The following SETD7 variants were observed in gnomAD, a reference collection of about 807,000 sequenced individuals.
SETD7 encodes SET domain containing 7, histone lysine methyltransferase.
SETD7 carries 16 observed loss-of-function variants against 41.8 expected under a neutral mutation model. The ratio of observed to expected loss-of-function variants is 0.38; its 90% CI spans 0.26 to 0.58. The LOEUF (loss-of-function observed/expected upper bound fraction) is 0.58. SETD7 is among the 20% of genes least tolerant of loss of function. The pLI is 0.64. For missense variants in SETD7, 346 were observed against 459.7 expected (o/e 0.75, Z 2.26); for synonymous variants, 163 against 169.7 (o/e 0.96, Z 0.31).
In SETD7 at chr4:139,520,313, C is replaced by T; in HGVS notation, c.726G>A (p.Met242Ile). 4 of 1,606,736 alleles carry T rather than the reference C, an allele frequency of 2.5e-6. No individual in the cohort carries two copies. In the African/African-American group the frequency reaches 5.4e-5, roughly 21 times the overall value. The change falls in exon 6 of 8, where the codon ATG becomes ATA. Residue 242 changes from methionine to isoleucine, a missense_variant. Around this residue, in one of 3 missense-constraint regions of SETD7, gnomAD observed 266 missense variants for 377.0 expected, o/e 0.71. Coordinates refer to ENST00000274031, the MANE Select transcript of SETD7 (RefSeq NM_030648.4). ...SKVAVGPNTV[M>I]SFYNGVRITH... ...TAATTCGAACTCCATTATAAAAAGA[C>T]ATAACAGTATTAGGTCCCACAGCTA... is the stretch of plus-strand genomic sequence containing the variant.
In SETD7 at chr4:139,532,971, C is replaced by T. The variant is rs746858641; in HGVS notation, c.372+194G>A. On this transcript the variant is annotated intron_variant, in intron 3 of 7. Transcript: ENST00000274031. ...AACAACGCTGAAAAATAATTAATAA[C>T]GGATTCAAGGGCCAACAATCTAAGC... 19 of 591,960 alleles carry T rather than the reference C, an allele frequency of 3.2e-5. No homozygotes were observed. In the East Asian group the frequency reaches 3.6e-4, roughly 11 times the overall value. The allele number at this position is 591,960 out of a possible 1,614,324, so 36.7% of individuals were successfully genotyped here. A position where few individuals can be genotyped will look rare whatever the true frequency, so the allele number is the denominator to read the frequency against.
chr4:139,521,399 C>G (rs1389056630), intron 5 of SETD7, among the ~76,000 whole-genome samples: 1 of 149,650 alleles, frequency 6.7e-6, no homozygotes, highest in Non-Finnish European at 1.5e-5. Context: ...GCACTCCAGT[C>G]TGGACGACAA....
intron 1 of SETD7, among the ~76,000 whole-genome samples, chr4:139,551,222 C>T (rs943180430): frequency 3.9e-5 from 6 of 152,240 alleles, no homozygotes; most frequent in African/African-American, 1.2e-4. Flanking sequence ...TTGTAAAATG[C>T]GCCAAGTCAG....
Position 139,509,771 on chromosome 4 carries a change from GA to G in SETD7, c.*1891del, listed in dbSNP as rs1726819125. ...CGGTCTCTTTCTACAGAGTAAGAGT[GA>G]CCCTATCCTGGTGCCTTTAAATCTA... On this transcript the variant is annotated 3_prime_UTR_variant, in exon 8 of 8. Transcript: ENST00000274031. The G allele has an allele frequency of 1.0e-6, 1 of 985,362 alleles. No homozygotes were observed. Among genetic ancestry groups the G allele is most frequent in the Admixed American group, 6.1e-5 (1 of 16,262 alleles). 61.0% of individuals were successfully genotyped at this position (985,362 alleles called of 1,614,324 possible).
In SETD7 at chr4:139,506,893, C is replaced by T. The variant is rs1326410764; in HGVS notation, c.*4770G>A. On this transcript the variant is annotated 3_prime_UTR_variant, in exon 8 of 8. Coordinates refer to ENST00000274031, the MANE Select transcript of SETD7 (RefSeq NM_030648.4). ...AAGGATTTTTGTTATCGGAGGACGT[C>T]TCTCTCTCTGGTTGGAAGTTTGGTG... 6.6e-6 allele frequency: 1 copy of T among 152,618 alleles called. No homozygotes were observed. The allele number at this position is 152,618 out of a possible 1,614,324, so 9.5% of individuals were successfully genotyped here.
chr4:139,500,271 A>G (rs567551391), intron 7 of SETD7, among the ~76,000 whole-genome samples: 4 of 151,946 alleles, frequency 2.6e-5, no homozygotes, highest in Admixed American at 2.0e-4. Context: ...TCTCCTCACC[A>G]TGGCCCCTCT....
At chr4:139,521,088 C>T (rs1409536359) in intron 5 of SETD7, among the ~76,000 whole-genome samples, 1 of 152,126 alleles carries the variant, frequency 6.6e-6, no homozygotes, top group East Asian at 1.9e-4. Context: ...AAAATATTTA[C>T]TATGTGGCCC....
intron 7 of SETD7, 148 bp from the exon 8 acceptor site, chr4:139,511,991 G>A: frequency 1.4e-6 from 2 of 1,403,010 alleles, no homozygotes; most frequent in South Asian, 1.6e-5. Flanking sequence ...CCCAGCATCA[G>A]TTTCACCCGA....
intron 1 of SETD7, among the ~76,000 whole-genome samples, chr4:139,547,864 G>C (rs983427930): frequency 1.3e-5 from 2 of 152,226 alleles, no homozygotes; most frequent in African/African-American, 2.4e-5. Flanking sequence ...GGTCATTTAA[G>C]CAATGATTGT....
intron 7 of SETD7, among the ~76,000 whole-genome samples, chr4:139,516,671 T>TA (rs1192394316): frequency 6.6e-6 from 1 of 151,956 alleles, no homozygotes; most frequent in African/African-American, 2.4e-5. Flanking sequence ...ATTTGATTTT[T>TA]TAAAAAAAAA....
intron 4 of SETD7, among the ~76,000 whole-genome samples, chr4:139,528,481 G>C (rs1216301899): frequency 6.6e-6 from 1 of 152,138 alleles, no homozygotes; most frequent in African/African-American, 2.4e-5. Flanking sequence ...CTCCCTATAT[G>C]AGAATTATAT....
At chr4:139,526,206 A>G (rs1727326177) in intron 4 of SETD7, among the ~76,000 whole-genome samples, 1 of 151,902 alleles carries the variant, frequency 6.6e-6, no homozygotes, top group Non-Finnish European at 1.5e-5. Context: ...ACACTCTACC[A>G]CACCCAGCTA....
chr4:139,553,807 T>C (rs1457698513), intron 1 of SETD7, among the ~76,000 whole-genome samples: 1 of 152,226 alleles, frequency 6.6e-6, no homozygotes, highest in Non-Finnish European at 1.5e-5. Flanking sequence ...GGTAGATTAG[T>C]TGGTACTTAA....
chr4:139,497,952 A>G (rs1355232973), intron 7 of SETD7, among the ~76,000 whole-genome samples: 2 of 152,252 alleles, frequency 1.3e-5, no homozygotes, highest in Non-Finnish European at 2.9e-5. Flanking sequence ...CCTCACCACA[A>G]GAGGGAGCTG....
At chr4:139,526,521 T>C (rs1254353301) in intron 4 of SETD7, among the ~76,000 whole-genome samples, 1 of 151,312 alleles carries the variant, frequency 6.6e-6, no homozygotes, top group Non-Finnish European at 1.5e-5. Context: ...TGGGCTCAAG[T>C]GATCCACCTG....
At chr4:139,523,254 C>T (rs1320981440) in intron 5 of SETD7, 100 bp downstream of exon 5, 2 of 800,262 alleles carry the variant, frequency 2.5e-6, no homozygotes, top group African/African-American at 3.4e-5. Context: ...GAGCTGGAAC[C>T]CAGCCTGGGC....
intron 4 of SETD7, among the ~76,000 whole-genome samples, chr4:139,527,488 C>A (rs1437415903): frequency 6.6e-6 from 1 of 152,048 alleles, no homozygotes; most frequent in Admixed American, 6.6e-5. Flanking sequence ...AGCTCAGGAG[C>A]TCAAGGCTGC....
chr4:139,552,458 T>C (rs1299264119), intron 1 of SETD7, among the ~76,000 whole-genome samples: 1 of 152,192 alleles, frequency 6.6e-6, no homozygotes, highest in African/African-American at 2.4e-5. Flanking sequence ...AGGTACCTCA[T>C]CTGCTGTGTC....
intron 7 of SETD7, among the ~76,000 whole-genome samples, chr4:139,514,709 G>A (rs990427344): frequency 2.0e-5 from 3 of 152,234 alleles, no homozygotes; most frequent in Admixed American, 6.5e-5. Context: ...GTCTATAAAC[G>A]TGAGCTACAC....
Sources: gnomAD v4.1 joint callset for allele counts (sites outside exome capture counted in the v4.1 genomes callset) on GRCh38, gnomAD v4.1.1 for gene constraint, gnomAD v4.1.1 regional missense constraint, MANE v1.5 for transcripts, NCBI Gene and HGNC (gene_info 2026-07-23, HGNC 2026-07-21) for gene names.